Variants in ORC4 observed in about 807,000 individuals in gnomAD.
ORC4 encodes the protein origin recognition complex, subunit 4 homolog.
Under a neutral mutation model 63.9 loss-of-function variants are expected in ORC4, and 55 were observed. The observed-to-expected ratio is 0.86, with a 90% CI of 0.69 to 1.08. The LOEUF (loss-of-function observed/expected upper bound fraction) is 1.08. Ranked by LOEUF, ORC4 falls within the 50% of genes least tolerant of loss-of-function variation. The pLI is 0.00. For missense variants in ORC4, 511 were observed against 504.4 expected (o/e 1.01, Z -0.13); for synonymous variants, 150 against 168.5 (o/e 0.89, Z 0.85).
intron 1 of ORC4, among the ~76,000 whole-genome samples, chr2:147,985,214 T>A (rs1691129759): frequency 6.6e-6 from 1 of 152,204 alleles, no homozygotes; most frequent in South Asian, 2.1e-4. Flanking sequence ...TTTGTTTTTT[T>A]GAGACAGAGT....
chr2:148,014,603 A>G (rs1693152742), intron 1 of ORC4, among the ~76,000 whole-genome samples: 1 of 152,196 alleles, frequency 6.6e-6, no homozygotes, highest in Non-Finnish European at 1.5e-5. Flanking sequence ...CAAACAACAA[A>G]TGAACTATGA....
chr2:147,968,028 A>C (rs1278672367), intron 4 of ORC4, among the ~76,000 whole-genome samples: 1 of 152,100 alleles, frequency 6.6e-6, no homozygotes, highest in Non-Finnish European at 1.5e-5. Flanking sequence ...ACAAAGGCCA[A>C]GAACACTCAC....
intron 1 of ORC4, among the ~76,000 whole-genome samples, chr2:147,982,411 T>C (rs149610502): frequency 3.3e-5 from 5 of 152,340 alleles, no homozygotes; most frequent in Admixed American, 3.3e-4. Context: ...TTTTGCAGTA[T>C]GTTTTATTTT....
chr2:147,995,787 C>T (rs117362162), intron 1 of ORC4, among the ~76,000 whole-genome samples: 519 of 152,212 alleles, frequency 3.4e-3, no homozygotes, highest in East Asian at 8.3e-3. Context: ...AAACTCCAGA[C>T]ACACCATCTT....
chr2:147,958,405 A>G, intron 5 of ORC4, 22 bp from the exon 6 acceptor site: 1 of 1,558,038 alleles, frequency 6.4e-7, no homozygotes, highest in Non-Finnish European at 8.8e-7. Context: ...TCCATTTAAA[A>G]GTATTTAATT....
At chr2:147,982,416 T>G (rs1209549342) in intron 1 of ORC4, among the ~76,000 whole-genome samples, 1 of 152,232 alleles carries the variant, frequency 6.6e-6, no homozygotes, top group Non-Finnish European at 1.5e-5. Flanking sequence ...CAGTATGTTT[T>G]ATTTTGTAGA....
chr2:147,951,354 C>T (rs987963910), intron 8 of ORC4: 2 of 152,150 alleles, frequency 1.3e-5, no homozygotes, highest in African/African-American at 4.8e-5. Context: ...TGGTTTGTCC[C>T]CACCAAATCT....
At chr2:147,967,633 A>C (rs1205062810) in intron 4 of ORC4, among the ~76,000 whole-genome samples, 3 of 152,038 alleles carry the variant, frequency 2.0e-5, no homozygotes, top group African/African-American at 7.2e-5. Flanking sequence ...CAAAGCACTG[A>C]AGAAAGAAAT....
At chr2:147,975,321 G>A (rs1290006828) in intron 2 of ORC4, among the ~76,000 whole-genome samples, 6 of 151,898 alleles carry the variant, frequency 4.0e-5, no homozygotes, top group East Asian at 3.9e-4. Context: ...GAAACGTAAC[G>A]GAACTTCCTC....
intron 1 of ORC4, among the ~76,000 whole-genome samples, chr2:148,007,748 C>G (rs1363083445): frequency 6.6e-6 from 1 of 152,022 alleles, no homozygotes; most frequent in Non-Finnish European, 1.5e-5. Flanking sequence ...AGATTCAACC[C>G]AAATAAGATT....
In ORC4 at chr2:147,939,233, G is replaced by A. The variant is rs1267664245; in HGVS notation, c.865C>T (p.Arg289Ter). The A allele has an allele frequency of 2.5e-6, 4 of 1,610,060 alleles. No homozygotes were observed. The highest frequency in any genetic ancestry group is 2.5e-6 in the Non-Finnish European group (3 of 1,176,566). Reference sequence around the variant, plus strand: ...ATAAATGGGTGCGATGCTGTTACTCGATTTAAAGCAAGCATCTAGGGAAAG... The same window carrying A: ...ATAAATGGGTGCGATGCTGTTACTCAATTTAAAGCAAGCATCTAGGGAAAG... ...LHMLLMLALN[R>*]VTASHPFMTA... The change falls in exon 11 of 14, where the codon CGA becomes TGA. Residue 289 changes from arginine (R) to a stop codon, truncating the protein, a stop_gained. Transcript: ENST00000392857. LOFTEE classifies it high-confidence loss of function.
intron 1 of ORC4, among the ~76,000 whole-genome samples, chr2:147,995,878 A>C (rs1691933389): frequency 6.6e-6 from 1 of 152,148 alleles, no homozygotes; most frequent in Non-Finnish European, 1.5e-5. Context: ...GGAAGGAATA[A>C]ATTCCAGACA....
rs1448744523 is a variant in ORC4 at position 147,941,661 on chromosome 2, T to A, written c.849+1775A>T. ...ATCCCATATGACAAAAAACAAGCCA[T>A]TATTTAATTCATTACCATGAATTAA... On this transcript the variant is annotated intron_variant, in intron 10 of 13. Transcript: ENST00000392857. Among the ~76,000 whole-genome samples the A allele has an allele frequency of 3.3e-5, 5 of 152,038 alleles. No homozygotes were observed. The East Asian group carries it at 9.7e-4, about 29-fold the overall frequency.
intron 9 of ORC4, among the ~76,000 whole-genome samples, chr2:147,944,821 A>C (rs1361170799): frequency 3.9e-5 from 6 of 151,966 alleles, no homozygotes; most frequent in African/African-American, 1.4e-4. Flanking sequence ...TACTGGAATA[A>C]AATTTTATAC....
At chr2:147,969,793 T>C (rs147953395) in intron 4 of ORC4, among the ~76,000 whole-genome samples, 3 of 152,194 alleles carry the variant, frequency 2.0e-5, no homozygotes, top group African/African-American at 7.2e-5. Flanking sequence ...TCTAAATTTA[T>C]ACTAAATCAG....
chr2:147,980,271 C>T (rs1690801281), intron 1 of ORC4, among the ~76,000 whole-genome samples: 1 of 151,926 alleles, frequency 6.6e-6, no homozygotes, highest in South Asian at 2.1e-4. Context: ...AAAAACAATA[C>T]ATTATAATAG....
At chr2:147,977,766 GA>G (rs1189730744) in intron 1 of ORC4, among the ~76,000 whole-genome samples, 1 of 152,196 alleles carries the variant, frequency 6.6e-6, no homozygotes, top group African/African-American at 2.4e-5. Flanking sequence ...GATATGCAGA[GA>G]AAAGACCTGT....
chr2:147,983,886 T>G (rs141415214), intron 1 of ORC4, among the ~76,000 whole-genome samples: 86 of 152,276 alleles, frequency 5.6e-4, no homozygotes, highest in African/African-American at 1.9e-3. Context: ...CCAGAGGAAT[T>G]AACAGAAGAC....
chr2:147,960,803 T>TTC (rs1301139989), intron 4 of ORC4, among the ~76,000 whole-genome samples: 1 of 152,304 alleles, frequency 6.6e-6, no homozygotes, highest in East Asian at 1.9e-4. Flanking sequence ...GCAGGAGGAC[T>TTC]GCCTGAGCCC....
Sources: gnomAD v4.1 joint callset for allele counts (sites outside exome capture counted in the v4.1 genomes callset) on GRCh38, gnomAD v4.1.1 for gene constraint, MANE v1.5 for transcripts, NCBI Gene and HGNC (gene_info 2026-07-23, HGNC 2026-07-21) for gene names.